RORB: variants seen among roughly 807,000 people sequenced by gnomAD.
The protein encoded by RORB is RAR related orphan receptor B, also known as nuclear receptor ROR-beta.
RORB carries 6 observed loss-of-function variants against 59.1 expected under a neutral mutation model. The observed-to-expected ratio is 0.10, with a 90% CI of 0.06 to 0.20. RORB has a LOEUF of 0.20. Ranked by LOEUF, RORB falls within the 10% of genes least tolerant of loss-of-function variation. RORB has a pLI of 1.00. For synonymous variants in RORB, 215 were observed against 204.5 expected (o/e 1.05, Z -0.44); for missense variants, 320 against 560.5 (o/e 0.57, Z 4.33).
At chr9:74,597,918 A>G (rs1822995438) in intron 1 of RORB, among the ~76,000 whole-genome samples, 1 of 152,026 alleles carries the variant, frequency 6.6e-6, no homozygotes, top group African/African-American at 2.4e-5. Context: ...AGATCGCGCC[A>G]TTGCACTCCA....
At chr9:74,660,897 A>C (rs890049489) in intron 5 of RORB, among the ~76,000 whole-genome samples, 159 bp downstream of exon 5, 4 of 152,158 alleles carry the variant, frequency 2.6e-5, no homozygotes, top group Non-Finnish European at 4.4e-5. Flanking sequence ...TACCCACTAG[A>C]TGTGCCATCG....
chr9:74,549,546 A>G (rs1587354736), intron 1 of RORB, among the ~76,000 whole-genome samples: 1 of 24,472 alleles, frequency 4.1e-5, no homozygotes, highest in Non-Finnish European at 7.9e-5. Flanking sequence ...GGAGGGAGGG[A>G]GGGAAGGAAG....
At chr9:74,656,302 G>T (rs988278525) in intron 4 of RORB, among the ~76,000 whole-genome samples, 2 of 152,078 alleles carry the variant, frequency 1.3e-5, no homozygotes, top group Non-Finnish European at 2.9e-5. Flanking sequence ...CTTGACTGTA[G>T]CTCCTCCACT....
At chr9:74,635,426 C>G (rs1463267203) in intron 3 of RORB, among the ~76,000 whole-genome samples, 1 of 152,198 alleles carries the variant, frequency 6.6e-6, no homozygotes, top group Non-Finnish European at 1.5e-5. Flanking sequence ...AAGGGAACAT[C>G]TTAGAGTAAT....
In RORB at chr9:74,686,406, AT is replaced by A. The variant is rs1824646934; in HGVS notation, c.*790del. 1 of 152,554 alleles carries A rather than the reference AT, an allele frequency of 6.6e-6. No individual in the cohort carries two copies. The highest frequency in any genetic ancestry group is 1.5e-5 in the Non-Finnish European group (1 of 68,036). The allele number at this position is 152,554 out of a possible 1,614,324, so 9.5% of individuals were successfully genotyped here. ...TCAAAGCCTTGTCAAGATGGTTCAT[AT>A]TGGGAAGGAGACAGTATTTTAAGCC... is the stretch of plus-strand genomic sequence containing the variant. On this transcript the variant is annotated 3_prime_UTR_variant, in exon 10 of 10. Coordinates refer to ENST00000376896, the MANE Select transcript of RORB (RefSeq NM_006914.4).
At chr9:74,569,101 T>C (rs917242790) in intron 1 of RORB, among the ~76,000 whole-genome samples, 4 of 152,054 alleles carry the variant, frequency 2.6e-5, no homozygotes, top group Non-Finnish European at 5.9e-5. Context: ...TAAATAACCA[T>C]ATATGAATGT....
intron 1 of RORB, among the ~76,000 whole-genome samples, chr9:74,522,507 G>A (rs1418332936): frequency 6.6e-6 from 1 of 151,726 alleles, no homozygotes; most frequent in African/African-American, 2.4e-5. Context: ...CTGAGAAATT[G>A]AGTTCACATT....
At chr9:74,604,529 G>A (rs770575365) in intron 1 of RORB, among the ~76,000 whole-genome samples, 106 of 152,184 alleles carry the variant, frequency 7.0e-4, no homozygotes, top group Non-Finnish European at 1.5e-3. Flanking sequence ...TTAGTAAAAT[G>A]TTCCTACTCA....
chr9:74,634,182 T>G (rs1823665383), intron 2 of RORB, among the ~76,000 whole-genome samples: 1 of 151,966 alleles, frequency 6.6e-6, no homozygotes, highest in Non-Finnish European at 1.5e-5. Context: ...TAGTGCATAC[T>G]CCTCAGTGTT....
intron 1 of RORB, among the ~76,000 whole-genome samples, chr9:74,560,982 G>A (rs748781367): frequency 7.9e-5 from 12 of 152,096 alleles, no homozygotes; most frequent in Non-Finnish European, 1.6e-4. Flanking sequence ...TCATTCTATA[G>A]TGTGGGTAAG....
chr9:74,610,980 T>C (rs927043566), intron 1 of RORB, among the ~76,000 whole-genome samples: 3 of 152,226 alleles, frequency 2.0e-5, no homozygotes, highest in African/African-American at 7.2e-5. Context: ...AAAATCAAGC[T>C]ATTTTTAATG....
intron 1 of RORB, among the ~76,000 whole-genome samples, chr9:74,626,450 G>A (rs1823517734): frequency 6.6e-6 from 1 of 151,998 alleles, no homozygotes; most frequent in African/African-American, 2.4e-5. Context: ...ATTACCAATA[G>A]AAAAATATAA....
intron 9 of RORB, among the ~76,000 whole-genome samples, chr9:74,677,096 C>A (rs1259109795): frequency 6.6e-6 from 1 of 152,126 alleles, no homozygotes; most frequent in African/African-American, 2.4e-5. Flanking sequence ...CCCCACAGAC[C>A]GCTAAGAAGC....
At chr9:74,609,910 C>T (rs1056034805) in intron 1 of RORB, among the ~76,000 whole-genome samples, 1 of 152,188 alleles carries the variant, frequency 6.6e-6, no homozygotes, top group East Asian at 1.9e-4. Context: ...GGATAGAGGC[C>T]AAGGATGTTT....
intron 1 of RORB, among the ~76,000 whole-genome samples, chr9:74,574,872 A>T (rs957922903): frequency 6.6e-6 from 1 of 152,158 alleles, no homozygotes; most frequent in Non-Finnish European, 1.5e-5. Flanking sequence ...AAGGAGTTTT[A>T]ACACGAAGGA....
intron 1 of RORB, among the ~76,000 whole-genome samples, chr9:74,573,464 T>TAAAAA (rs5898361): frequency 7.6e-6 from 1 of 131,866 alleles, no homozygotes; most frequent in Non-Finnish European, 1.6e-5. Flanking sequence ...CTTTTGTTAT[T>TAAAAA]AAAAAAAAAA....
rs562275149 is a variant in RORB at position 74,519,003 on chromosome 9, A to G, written c.7+21020A>G. Among the ~76,000 whole-genome samples the G allele has an allele frequency of 3.3e-5, 5 of 152,148 alleles. No individual in the cohort carries two copies. The East Asian group carries it at 9.7e-4, about 30-fold the overall frequency. On this transcript the variant is annotated intron_variant, in intron 1 of 9. Transcript: ENST00000376896. ...GGTAAGGGTCGTGTATATCAAAAGA[A>G]GAGTATGGCTGTTCTTGAATGCTAT... is the stretch of plus-strand genomic sequence containing the variant.
At chr9:74,518,959 T>C (rs560136148) in intron 1 of RORB, among the ~76,000 whole-genome samples, 3 of 152,106 alleles carry the variant, frequency 2.0e-5, no homozygotes, top group African/African-American at 7.2e-5. Context: ...GAATACAATA[T>C]TCATTAGAAC....
chr9:74,559,296 GA>G (rs1822359279), intron 1 of RORB, among the ~76,000 whole-genome samples: 1 of 152,080 alleles, frequency 6.6e-6, no homozygotes, highest in African/African-American at 2.4e-5. Flanking sequence ...TAAAACCCCG[GA>G]AGAGGTAGAG....
Sources: gnomAD v4.1 joint callset for allele counts (sites outside exome capture counted in the v4.1 genomes callset) on GRCh38, gnomAD v4.1.1 for gene constraint, MANE v1.5 for transcripts, NCBI Gene and HGNC (gene_info 2026-07-23, HGNC 2026-07-21) for gene names.